STK32B: variants seen among roughly 807,000 people sequenced by gnomAD.
STK32B encodes the protein serine/threonine kinase 32B.
STK32B carries 43 observed loss-of-function variants against 52.6 expected under a neutral mutation model. That is an observed-to-expected ratio of 0.82 (90% CI 0.64 to 1.05). The LOEUF (loss-of-function observed/expected upper bound fraction) is 1.05, where lower values mean the gene tolerates loss of function less well. Ranked by LOEUF, STK32B falls within the 50% of genes least tolerant of loss-of-function variation. The probability of loss-of-function intolerance (pLI) is 0.00; values close to 1 mark genes in which losing one functional copy is unlikely to be tolerated. For synonymous variants in STK32B, 238 were observed against 204.3 expected, an observed-to-expected ratio of 1.17 and a Z score of -1.41; for missense variants, 621 against 534.6, an observed-to-expected ratio of 1.16 and a Z score of -1.59.
chr4:5,359,864 T>G (rs1171532644), intron 4 of STK32B, among the ~76,000 whole-genome samples: 1 of 152,110 alleles, frequency 6.6e-6, no homozygotes, highest in African/African-American at 2.4e-5. Flanking sequence ...AGGTGAGACA[T>G]GAGGTAATAG....
At chr4:5,403,706 C>T (rs768892818) in intron 5 of STK32B, among the ~76,000 whole-genome samples, 21 of 152,178 alleles carry the variant, frequency 1.4e-4, no homozygotes, top group Non-Finnish European at 2.8e-4. Flanking sequence ...TCAGCACCCA[C>T]TTTTCTCTTG....
intron 11 of STK32B, among the ~76,000 whole-genome samples, chr4:5,481,036 TA>T (rs1156543811): frequency 6.6e-6 from 1 of 152,188 alleles, no homozygotes; most frequent in Non-Finnish European, 1.5e-5. Context: ...AGTGCCACAA[TA>T]AACATACGTG....
chr4:5,104,389 CT>C (rs1331969027), intron 1 of STK32B, among the ~76,000 whole-genome samples: 1 of 152,144 alleles, frequency 6.6e-6, no homozygotes, highest in Non-Finnish European at 1.5e-5. Context: ...AACCTCTTTC[CT>C]TTGTAAATTA....
chr4:5,298,379 G>A (rs908372701), intron 3 of STK32B, among the ~76,000 whole-genome samples: 5 of 152,050 alleles, frequency 3.3e-5, no homozygotes, highest in African/African-American at 7.2e-5. Flanking sequence ...CTGAAGTTGC[G>A]CCCATAGCCA....
intron 3 of STK32B, among the ~76,000 whole-genome samples, chr4:5,301,987 T>A (rs1577315132): frequency 6.9e-6 from 1 of 144,414 alleles, no homozygotes; most frequent in Non-Finnish European, 1.5e-5. Context: ...TGTCTTGTGG[T>A]TTTTCCCCCA....
At chr4:5,087,558 T>C (rs185045736) in intron 1 of STK32B, among the ~76,000 whole-genome samples, 1 of 151,830 alleles carries the variant, frequency 6.6e-6, no homozygotes, top group Admixed American at 6.6e-5. Context: ...CATTTTAAAT[T>C]CCAAGGGACA....
chr4:5,034,791 T>G, the STK32B span, among the ~76,000 whole-genome samples: 3 of 152,298 alleles, frequency 2.0e-5, no homozygotes, highest in Admixed American at 2.0e-4. Flanking sequence ...CCTGGATTCT[T>G]CTCCAGGCTC....
chr4:5,237,623 G>A (rs935983077), intron 3 of STK32B, among the ~76,000 whole-genome samples: 2 of 152,222 alleles, frequency 1.3e-5, no homozygotes, highest in African/African-American at 4.8e-5. Flanking sequence ...ATGGAAATCT[G>A]TGCAGGAAAT....
At chr4:5,295,295 G>A (rs1331803610) in intron 3 of STK32B, among the ~76,000 whole-genome samples, 1 of 152,118 alleles carries the variant, frequency 6.6e-6, no homozygotes, top group Non-Finnish European at 1.5e-5. Context: ...CATAAAACGA[G>A]TTATGGAGGA....
intron 3 of STK32B, among the ~76,000 whole-genome samples, chr4:5,242,614 G>A (rs938574612): frequency 6.6e-6 from 1 of 152,158 alleles, no homozygotes; most frequent in Non-Finnish European, 1.5e-5. Flanking sequence ...GGCTTTTGTT[G>A]CCATTGCTTT....
rs564962769 is a variant in STK32B at position 5,126,141 on chromosome 4, A to T, written c.53-13764A>T. On this transcript the variant is annotated intron_variant, in intron 1 of 11. Coordinates refer to ENST00000282908, the MANE Select transcript of STK32B (RefSeq NM_018401.3). ...TGTCTTCTCATACCACCCAGTCTTG[A>T]GTACTGGAGCTACAGAGAAGGCCTT... is the stretch of plus-strand genomic sequence containing the variant. Among the ~76,000 whole-genome samples, 5 of 152,226 alleles carry T rather than the reference A, an allele frequency of 3.3e-5. No homozygotes were observed. The East Asian group carries it at 7.7e-4, about 24-fold the overall frequency.
intron 3 of STK32B, among the ~76,000 whole-genome samples, chr4:5,188,683 C>T (rs546247285): frequency 9.0e-4 from 137 of 152,246 alleles, no homozygotes; most frequent in African/African-American, 3.0e-3. Flanking sequence ...ACACAATATA[C>T]ATTTTAATTA....
At chr4:5,249,131 T>C (rs1725691328) in intron 3 of STK32B, among the ~76,000 whole-genome samples, 1 of 152,208 alleles carries the variant, frequency 6.6e-6, no homozygotes, top group African/African-American at 2.4e-5. Flanking sequence ...ACTTTTGCAG[T>C]GTGCTAACAC....
intron 4 of STK32B, among the ~76,000 whole-genome samples, chr4:5,382,124 C>T (rs986957274): frequency 4.6e-5 from 7 of 152,112 alleles, no homozygotes; most frequent in Non-Finnish European, 1.0e-4. Flanking sequence ...GAGGGCAATG[C>T]GCTTTACTCA....
At chr4:5,197,396 G>A (rs1480458293) in intron 3 of STK32B, among the ~76,000 whole-genome samples, 4 of 152,224 alleles carry the variant, frequency 2.6e-5, no homozygotes, top group African/African-American at 9.6e-5. Flanking sequence ...TCCTTTAGCT[G>A]CTGCAGCAAG....
chr4:5,299,167 C>T (rs1344068188), intron 3 of STK32B, among the ~76,000 whole-genome samples: 2 of 151,884 alleles, frequency 1.3e-5, no homozygotes, highest in Non-Finnish European at 2.9e-5. Flanking sequence ...CTGGGTACCT[C>T]AGTTGGAAAT....
intron 11 of STK32B, among the ~76,000 whole-genome samples, chr4:5,480,610 T>G (rs1320167335): frequency 1.3e-5 from 2 of 152,158 alleles, no homozygotes; most frequent in Non-Finnish European, 2.9e-5. Context: ...ACTTTAAGTT[T>G]TAGGGTACAT....
intron 5 of STK32B, among the ~76,000 whole-genome samples, chr4:5,405,928 C>A (rs1267454690): frequency 6.6e-6 from 1 of 152,084 alleles, no homozygotes; most frequent in African/African-American, 2.4e-5. Context: ...ACAATCATGC[C>A]TTCCCAACAG....
chr4:5,481,331 C>T (rs990972703), intron 11 of STK32B, among the ~76,000 whole-genome samples: 5 of 152,270 alleles, frequency 3.3e-5, no homozygotes, highest in African/African-American at 1.2e-4. Flanking sequence ...CTCTGATGGC[C>T]AGAGCTGATG....
Sources: gnomAD v4.1 joint callset for allele counts (sites outside exome capture counted in the v4.1 genomes callset) on GRCh38, gnomAD v4.1.1 for gene constraint, MANE v1.5 for transcripts, NCBI Gene and HGNC (gene_info 2026-07-23, HGNC 2026-07-21) for gene names.